MYO9A: variants seen among roughly 807,000 people sequenced by gnomAD.
MYO9A encodes unconventional myosin-IXa.
Under a neutral mutation model 293.3 loss-of-function variants are expected in MYO9A, and 103 were observed. The observed-to-expected ratio is 0.35, with a 90% CI of 0.30 to 0.41. The LOEUF (loss-of-function observed/expected upper bound fraction) is 0.41, where lower values mean the gene tolerates loss of function less well. Among genes scored for constraint, MYO9A ranks in the 10% least tolerant of loss-of-function variants. The probability of loss-of-function intolerance (pLI) is 1.00; values close to 1 mark genes in which losing one functional copy is unlikely to be tolerated. For missense variants in MYO9A, 2,685 were observed against 3,033.0 expected (o/e 0.89, Z 2.69); for synonymous variants, 1,001 against 1,035.7 (o/e 0.97, Z 0.64).
intron 12 of MYO9A, among the ~76,000 whole-genome samples, chr15:71,975,580 G>C (rs943144537): frequency 6.6e-6 from 1 of 152,128 alleles, no homozygotes; most frequent in Admixed American, 6.5e-5. Context: ...TCAGGAAACA[G>C]AATCTTTCTC....
At chr15:72,109,777 T>C (rs745642699) in intron 1 of MYO9A, among the ~76,000 whole-genome samples, 1 of 150,792 alleles carries the variant, frequency 6.6e-6, no homozygotes, top group Non-Finnish European at 1.5e-5. Context: ...TAATCCCAGC[T>C]ACTTGGGACG....
At chr15:72,058,513 G>A (rs1160394527) in intron 1 of MYO9A, among the ~76,000 whole-genome samples, 1 of 151,982 alleles carries the variant, frequency 6.6e-6, no homozygotes, top group East Asian at 1.9e-4. Flanking sequence ...GAGAAAAAAC[G>A]ATTACTAAAT....
intron 1 of MYO9A, among the ~76,000 whole-genome samples, chr15:72,077,577 A>G (rs2079392853): frequency 6.6e-6 from 1 of 151,516 alleles, no homozygotes; most frequent in African/African-American, 2.4e-5. Flanking sequence ...CTATAATTCT[A>G]GCTACTCAGG....
chr15:72,023,094 C>T (rs2077552697), intron 4 of MYO9A, among the ~76,000 whole-genome samples: 1 of 152,002 alleles, frequency 6.6e-6, no homozygotes, highest in Non-Finnish European at 1.5e-5. Context: ...GACTAATATA[C>T]AGGACTTTAA....
chr15:71,835,017 A>C (rs572138773), intron 39 of MYO9A, among the ~76,000 whole-genome samples: 1 of 152,310 alleles, frequency 6.6e-6, no homozygotes, highest in East Asian at 1.9e-4. Context: ...AAATGGACTC[A>C]GTGTAATGTG....
chr15:71,874,330 C>T (rs2056613222), intron 32 of MYO9A, among the ~76,000 whole-genome samples: 2 of 151,956 alleles, frequency 1.3e-5, no homozygotes, highest in African/African-American at 4.8e-5. Flanking sequence ...GTTTTGTAGG[C>T]CCTAAAGTTT....
At position 72,057,637 on chromosome 15, in the gene MYO9A, G is replaced by C. The variant is rs185017375; in HGVS notation, c.-71-11003C>G. 5.1e-4 allele frequency among the ~76,000 whole-genome samples: 78 copies of C among 152,254 alleles called. 2 individuals carry two copies. The highest frequency in any genetic ancestry group is 2.7e-3 in the South Asian group (13 of 4,820). ...ACTGAGATTCTGTACTGGAATTTTT[G>C]CTGCAACTGTCGGAAAAGAAGCTTT... On this transcript the variant is annotated intron_variant, in intron 1 of 41. Coordinates refer to ENST00000356056, the MANE Select transcript of MYO9A (RefSeq NM_006901.4).
chr15:71,933,680 G>A lies in MYO9A; in HGVS notation c.2552C>T (p.Ala851Val), dbSNP rs781350131. ...TRNKNFKSKP[A>V]LPKHLLEVNS... ...TTTCATAGTACTCACCTTTGGAAGGGCAGGCTTGGATTTGAAATTTTTGTT... is the reference window on the plus strand; with the variant it reads ...TTTCATAGTACTCACCTTTGGAAGGACAGGCTTGGATTTGAAATTTTTGTT... The change falls in exon 18 of 42, where the codon GCC becomes GTC. Residue 851 changes from alanine to valine, a missense_variant. Around this residue, in one of 10 missense-constraint regions of MYO9A, gnomAD observed 1,434 missense variants for 1,497.7 expected, o/e 0.96. Transcript: ENST00000356056. The A allele has an allele frequency of 1.9e-6, 3 of 1,607,256 alleles. No homozygotes were observed. Among genetic ancestry groups the A allele is most frequent in the East Asian group, 2.2e-5 (1 of 44,672 alleles).
Position 72,104,675 on chromosome 15 carries a change from G to A in MYO9A, c.-72+13005C>T, listed in dbSNP as rs114774355. 5.6e-3 allele frequency among the ~76,000 whole-genome samples: 858 copies of A among 152,312 alleles called. 12 individuals are homozygous for A. The highest frequency in any genetic ancestry group is 0.02 in the African/African-American group (812 of 41,566). ...CCAACTGTCATTCTACAAGCCCAGAGACTGAATTCTTTATATCCCAACAGA... is the reference window on the plus strand; with the variant it reads ...CCAACTGTCATTCTACAAGCCCAGAAACTGAATTCTTTATATCCCAACAGA... On this transcript the variant is annotated intron_variant, in intron 1 of 41. Coordinates refer to ENST00000356056, the MANE Select transcript of MYO9A (RefSeq NM_006901.4).
chr15:71,885,556 T>G (rs1029789396), intron 27 of MYO9A, among the ~76,000 whole-genome samples: 2 of 152,072 alleles, frequency 1.3e-5, no homozygotes, highest in Non-Finnish European at 2.9e-5. Flanking sequence ...CAATTTGGAG[T>G]GGTTTCCCTC....
At chr15:71,875,758 CT>C in intron 32 of MYO9A, 32 bp downstream of exon 32, 1 of 1,191,140 alleles carries the variant, frequency 8.4e-7, no homozygotes, top group East Asian at 2.8e-5. Flanking sequence ...CTGAAAATTA[CT>C]TTTTTAATTT....
intron 6 of MYO9A, among the ~76,000 whole-genome samples, chr15:72,016,169 T>G (rs1007361272): frequency 5.3e-5 from 8 of 152,166 alleles, no homozygotes; most frequent in Non-Finnish European, 1.2e-4. Flanking sequence ...TAAATATTCT[T>G]CTACATGTCA....
intron 18 of MYO9A, among the ~76,000 whole-genome samples, chr15:71,931,914 T>C (rs1211036650): frequency 6.6e-6 from 1 of 152,130 alleles, no homozygotes; most frequent in Non-Finnish European, 1.5e-5. Context: ...CTGCTGCCTT[T>C]GTTTTTTGTT....
chr15:71,862,268 G>A (rs548703754), intron 33 of MYO9A, among the ~76,000 whole-genome samples: 1 of 152,232 alleles, frequency 6.6e-6, no homozygotes, highest in African/African-American at 2.4e-5. Context: ...TAAAATCTGG[G>A]ACAAGACCAT....
intron 12 of MYO9A, among the ~76,000 whole-genome samples, chr15:71,971,046 A>G (rs1463542772): frequency 6.6e-6 from 1 of 152,066 alleles, no homozygotes; most frequent in Non-Finnish European, 1.5e-5. Context: ...CTGTAGTCCC[A>G]GCTGCTCGGG....
intron 2 of MYO9A, among the ~76,000 whole-genome samples, chr15:72,038,373 A>T (rs1283542714): frequency 6.6e-6 from 1 of 152,258 alleles, no homozygotes; most frequent in African/African-American, 2.4e-5. Flanking sequence ...TGCACAAAAA[A>T]TATCCACCAC....
chr15:72,032,633 ATT>A, intron 2 of MYO9A, 45 bp from the exon 3 acceptor site: 2 of 1,227,760 alleles, frequency 1.6e-6, no homozygotes, highest in Non-Finnish European at 2.2e-6. Flanking sequence ...AAAAAAAAAA[ATT>A]TTTTTTTGGA....
chr15:71,962,451 G>C (rs531616980), intron 13 of MYO9A, among the ~76,000 whole-genome samples: 42 of 152,136 alleles, frequency 2.8e-4, no homozygotes, highest in Middle Eastern at 3.4e-3. Context: ...CAGGAATTTT[G>C]GTCCTTGGCT....
intron 1 of MYO9A, among the ~76,000 whole-genome samples, chr15:72,080,421 G>A (rs1298764401): frequency 1.3e-5 from 2 of 151,048 alleles, no homozygotes; most frequent in East Asian, 3.9e-4. Flanking sequence ...ACAGAGAGTG[G>A]GAAGTTATGC....
Sources: allele counts gnomAD v4.1 joint callset (sites outside exome capture counted in the v4.1 genomes callset), GRCh38; gene constraint gnomAD v4.1.1; regional missense constraint gnomAD v4.1.1; transcripts MANE v1.5; gene names NCBI Gene and HGNC (gene_info 2026-07-23, HGNC 2026-07-21).